Variants in TENM2 observed in about 807,000 individuals in gnomAD.
TENM2 encodes teneurin-2.
A neutral mutation model predicts 245.2 loss-of-function variants in TENM2; 52 were observed. The observed-to-expected ratio is 0.21, with a 90% confidence interval of 0.17 to 0.27. The LOEUF is 0.27. Ranked by LOEUF, TENM2 falls within the 10% of genes least tolerant of loss-of-function variation. The pLI, the probability that TENM2 is intolerant of heterozygous loss-of-function variation, is 1.00. For missense variants in TENM2, 3,046 were observed against 3,666.8 expected (o/e 0.83, Z 4.37); for synonymous variants, 1,363 against 1,438.9 (o/e 0.95, Z 1.19).
At chr5:167,572,306 T>C (rs941887651) in intron 2 of TENM2, among the ~76,000 whole-genome samples, 5 of 152,208 alleles carry the variant, frequency 3.3e-5, no homozygotes, top group African/African-American at 9.6e-5. Context: ...GTGGCTTACA[T>C]AGGAATTCCA....
At chr5:167,722,646 C>A (rs559521332) in intron 2 of TENM2, among the ~76,000 whole-genome samples, 1 of 152,116 alleles carries the variant, frequency 6.6e-6, no homozygotes, top group South Asian at 2.1e-4. Flanking sequence ...TGGAGGTGCA[C>A]GCCTGTAGTC....
intron 2 of TENM2, among the ~76,000 whole-genome samples, chr5:167,741,307 A>G (rs1398429097): frequency 6.6e-6 from 1 of 152,210 alleles, no homozygotes; most frequent in Admixed American, 6.5e-5. Context: ...TAGATGCTCA[A>G]CAAGTATGTG....
At chr5:168,252,801 C>T (rs1276797093) in intron 27 of TENM2, among the ~76,000 whole-genome samples, 1 of 150,516 alleles carries the variant, frequency 6.6e-6, no homozygotes, top group Non-Finnish European at 1.5e-5. Context: ...GAGCTGAGAT[C>T]GCACCATTGC....
At chr5:167,209,265 G>A in the TENM2 span, among the ~76,000 whole-genome samples, 1 of 151,150 alleles carries the variant, frequency 6.6e-6, no homozygotes, top group Admixed American at 6.6e-5. Context: ...GCTATTTTTA[G>A]TAATTTTTTT....
intron 2 of TENM2, among the ~76,000 whole-genome samples, chr5:167,802,898 G>A (rs866911917): frequency 6.6e-6 from 1 of 152,278 alleles, no homozygotes; most frequent in South Asian, 2.1e-4. Flanking sequence ...TATTTCCTAA[G>A]ATGCCAAATC....
chr5:168,189,979 T>G (rs1760801735), intron 13 of TENM2, among the ~76,000 whole-genome samples: 1 of 152,200 alleles, frequency 6.6e-6, no homozygotes, highest in Non-Finnish European at 1.5e-5. Context: ...GTGGGTAATT[T>G]GCTGTGCTGT....
At chr5:168,129,231 A>G (rs1365267901) in intron 12 of TENM2, 1 of 152,200 alleles carries the variant, frequency 6.6e-6, no homozygotes. Context: ...ACAAGAGAAC[A>G]TAGATGTTTC....
chr5:168,228,234 T>G, intron 25 of TENM2, 104 bp downstream of exon 27: 2 of 905,374 alleles, frequency 2.2e-6, no homozygotes, highest in Non-Finnish European at 3.4e-6. Flanking sequence ...GGAGGGGATA[T>G]ACACTTTCCT....
At chr5:167,425,764 A>T (rs7721960) in intron 2 of TENM2, among the ~76,000 whole-genome samples, 1 of 151,108 alleles carries the variant, frequency 6.6e-6, no homozygotes, top group African/African-American at 2.4e-5. Context: ...GCTGCTGCTG[A>T]TGATGATGAT....
chr5:167,529,484 T>TA (rs1382923840), intron 2 of TENM2, among the ~76,000 whole-genome samples: 3 of 152,216 alleles, frequency 2.0e-5, no homozygotes, highest in Non-Finnish European at 2.9e-5. Flanking sequence ...TATTGCAACT[T>TA]AATGTGTTCA....
the TENM2 span, among the ~76,000 whole-genome samples, chr5:167,033,907 T>C: frequency 6.6e-6 from 1 of 152,240 alleles, no homozygotes; most frequent in Non-Finnish European, 1.5e-5. Context: ...GAGTATGGTA[T>C]TCAGATTCTC....
At chr5:167,515,566 C>G (rs1310246312) in intron 2 of TENM2, among the ~76,000 whole-genome samples, 1 of 120,400 alleles carries the variant, frequency 8.3e-6, no homozygotes, top group Non-Finnish European at 1.7e-5. Flanking sequence ...AGCTTAATGT[C>G]AATTGAAGAA....
intron 2 of TENM2, among the ~76,000 whole-genome samples, chr5:167,853,553 A>AT (rs1770804419): frequency 6.6e-6 from 1 of 151,912 alleles, no homozygotes; most frequent in African/African-American, 2.4e-5. Flanking sequence ...CTGCAATGTG[A>AT]TTTTCTGGCG....
chr5:167,385,340 C>T (rs1433324468), intron 2 of TENM2, among the ~76,000 whole-genome samples: 1 of 150,814 alleles, frequency 6.6e-6, no homozygotes, highest in Non-Finnish European at 1.5e-5. Flanking sequence ...ATTTTTATCT[C>T]TCATTTTTTT....
At chr5:167,002,683 CT>C in the TENM2 span, among the ~76,000 whole-genome samples, 1 of 151,804 alleles carries the variant, frequency 6.6e-6, no homozygotes, top group East Asian at 1.9e-4. Flanking sequence ...AAAACAGCCC[CT>C]GTTCTTCGAG....
At chr5:166,980,542 G>A in the TENM2 span, among the ~76,000 whole-genome samples, 3 of 152,020 alleles carry the variant, frequency 2.0e-5, no homozygotes, top group Non-Finnish European at 4.4e-5. Context: ...TTCTTTGGAG[G>A]GTTCTTGATC....
At chr5:168,165,647 AACC>A (rs754385552) in intron 13 of TENM2, among the ~76,000 whole-genome samples, 87 of 15,878 alleles carry the variant, frequency 5.5e-3, no homozygotes, top group South Asian at 8.9e-3. Context: ...TCCCCCCCCC[AACC>A]CCCCCCCCCC....
At chr5:167,884,376 A>G (rs1173486956) in intron 3 of TENM2, among the ~76,000 whole-genome samples, 1 of 152,154 alleles carries the variant, frequency 6.6e-6, no homozygotes, top group Admixed American at 6.5e-5. Context: ...CATCTTCCTC[A>G]ACAGAAACTC....
At chr5:167,631,360 T>C (rs996774244) in intron 2 of TENM2, among the ~76,000 whole-genome samples, 1 of 152,138 alleles carries the variant, frequency 6.6e-6, no homozygotes, top group African/African-American at 2.4e-5. Context: ...TTGAACTTGG[T>C]GCCAGCCATA....
Sources: gnomAD v4.1 joint callset for allele counts (sites outside exome capture counted in the v4.1 genomes callset) on GRCh38, gnomAD v4.1.1 for gene constraint, MANE v1.5 for transcripts, NCBI Gene and HGNC (gene_info 2026-07-23, HGNC 2026-07-21) for gene names.